Variants in CLASP1 observed in about 807,000 individuals in gnomAD.
CLASP1 encodes the protein cytoplasmic linker associated protein 1.
In CLASP1, 38 loss-of-function variants were observed where a neutral mutation model predicts 192.3. The ratio of observed to expected loss-of-function variants is 0.20; its 90% CI spans 0.15 to 0.26. CLASP1 has a LOEUF of 0.26. Ranked by LOEUF, CLASP1 falls within the 10% of genes least tolerant of loss-of-function variation. The pLI is 1.00. For synonymous variants in CLASP1, 691 were observed against 712.8 expected, an observed-to-expected ratio of 0.97 and a Z score of 0.49; for missense variants, 1,433 against 1,932.5, an observed-to-expected ratio of 0.74 and a Z score of 4.85.
chr2:121,500,715 T>C (rs567014531), intron 8 of CLASP1, among the ~76,000 whole-genome samples: 1 of 152,336 alleles, frequency 6.6e-6, no homozygotes, highest in East Asian at 1.9e-4. Context: ...TCTAAAATTT[T>C]ATACATATGG....
chr2:121,532,458 A>G (rs772814460), intron 2 of CLASP1: 2 of 152,230 alleles, frequency 1.3e-5, no homozygotes, highest in Admixed American at 6.5e-5. Context: ...GGAGGTCAAC[A>G]TCAAGTACAC....
chr2:121,375,469 T>C (rs1012121584), intron 34 of CLASP1, among the ~76,000 whole-genome samples: 3 of 149,920 alleles, frequency 2.0e-5, no homozygotes, highest in African/African-American at 7.4e-5. Flanking sequence ...GTTCAGGCAA[T>C]TCTCCTGCCT....
chr2:121,361,812 A>C (rs555730099), intron 37 of CLASP1, among the ~76,000 whole-genome samples: 1 of 152,212 alleles, frequency 6.6e-6, no homozygotes, highest in East Asian at 1.9e-4. Flanking sequence ...CTTTGTTCAA[A>C]TGTGAGTTAT....
At chr2:121,541,024 C>T (rs1391993813) in intron 2 of CLASP1, among the ~76,000 whole-genome samples, 2 of 152,178 alleles carry the variant, frequency 1.3e-5, no homozygotes, top group Non-Finnish European at 2.9e-5. Flanking sequence ...ATTCTATACA[C>T]ACTTCACAGT....
At chr2:121,602,185 AAAG>A (rs1308972284) in intron 2 of CLASP1, among the ~76,000 whole-genome samples, 23 of 151,920 alleles carry the variant, frequency 1.5e-4, no homozygotes, top group South Asian at 8.3e-4. Context: ...AAAAAAAAAA[AAAG>A]AAGAAGAAGA....
At chr2:121,363,842 C>T (rs770261574) in intron 36 of CLASP1, among the ~76,000 whole-genome samples, 7 of 152,086 alleles carry the variant, frequency 4.6e-5, no homozygotes, top group Non-Finnish European at 8.8e-5. Context: ...GCCAGAGTCA[C>T]GCATCTGGAG....
At chr2:121,569,813 CCTGGCAA>C (rs2059826839) in intron 2 of CLASP1, among the ~76,000 whole-genome samples, 1 of 152,120 alleles carries the variant, frequency 6.6e-6, no homozygotes, top group Non-Finnish European at 1.5e-5. Flanking sequence ...TGCACTCCAG[CCTGGCAA>C]AGAGGGAGAC....
chr2:121,373,253 G>A (rs1370933402), intron 34 of CLASP1, among the ~76,000 whole-genome samples: 1 of 152,166 alleles, frequency 6.6e-6, no homozygotes, highest in East Asian at 1.9e-4. Context: ...ACCATGTGAA[G>A]ACATACTTGC....
At chr2:121,524,983 C>G (rs993520409) in intron 6 of CLASP1, among the ~76,000 whole-genome samples, 22 of 152,068 alleles carry the variant, frequency 1.4e-4, no homozygotes, top group Non-Finnish European at 2.8e-4. Context: ...AGCTAGAGGC[C>G]AGGGGAGGTC....
chr2:121,373,512 A>G (rs1452256243), intron 34 of CLASP1, among the ~76,000 whole-genome samples: 2 of 152,206 alleles, frequency 1.3e-5, no homozygotes, highest in Non-Finnish European at 2.9e-5. Context: ...CAGAGGCTGG[A>G]ACAATTTGGA....
chr2:121,535,359 G>A (rs1389176786), intron 2 of CLASP1, among the ~76,000 whole-genome samples: 1 of 152,154 alleles, frequency 6.6e-6, no homozygotes, highest in African/African-American at 2.4e-5. Context: ...AAAGTTTTGG[G>A]TAGAGAAATG....
At chr2:121,578,891 C>T (rs2060837262) in intron 2 of CLASP1, among the ~76,000 whole-genome samples, 1 of 152,094 alleles carries the variant, frequency 6.6e-6, no homozygotes, top group South Asian at 2.1e-4. Flanking sequence ...AAAACTCATA[C>T]ACTTATACAC....
chr2:121,601,978 C>G (rs2063835235), intron 2 of CLASP1, among the ~76,000 whole-genome samples: 1 of 152,028 alleles, frequency 6.6e-6, no homozygotes, highest in South Asian at 2.1e-4. Flanking sequence ...AGTTCGAAAC[C>G]AGCCTGGCCA....
At chr2:121,536,378 GAAAAAAAAAAA>G (rs59632661) in intron 2 of CLASP1, among the ~76,000 whole-genome samples, 5,479 of 48,334 alleles carry the variant, frequency 0.11, 174 homozygotes, top group East Asian at 0.3. Context: ...AAGACTGTCT[GAAAAAAAAAAA>G]AAAAAAAAAA....
Position 121,379,865 on chromosome 2 carries a change from A to G in CLASP1, c.3492-2216T>C, listed in dbSNP as rs550203756. 7.0e-4 allele frequency among the ~76,000 whole-genome samples: 107 copies of G among 152,336 alleles called. 4 individuals are homozygous for G. The South Asian group carries it at 0.022, about 31-fold the overall frequency. On this transcript the variant is annotated intron_variant, in intron 33 of 39. Transcript: ENST00000263710. ...CACTATTACAATAGCCTCTTTTTAA[A>G]ATAAGAAAATAAAGGATTCTGCCAG...
At chr2:121,645,130 C>CATGGAT (rs898110869) in intron 1 of CLASP1, among the ~76,000 whole-genome samples, 1 of 152,160 alleles carries the variant, frequency 6.6e-6, no homozygotes, top group Admixed American at 6.5e-5. Flanking sequence ...GTGCAGGGGC[C>CATGGAT]ATGGATGTCT....
At chr2:121,528,848 T>C (rs2094656317) in intron 3 of CLASP1, 68 bp from the exon 4 acceptor site, 1 of 1,183,006 alleles carries the variant, frequency 8.5e-7, no homozygotes, top group Non-Finnish European at 1.3e-6. Flanking sequence ...CAAGTATTCC[T>C]ATCTCAATTA....
intron 6 of CLASP1, 77 bp downstream of exon 6, chr2:121,525,768 C>T: frequency 3.1e-6 from 3 of 952,914 alleles, no homozygotes; most frequent in South Asian, 1.4e-5. Flanking sequence ...TCCAGTCCCA[C>T]CCACTACGGA....
At chr2:121,462,066 C>T (rs1294269734) in intron 10 of CLASP1, among the ~76,000 whole-genome samples, 1 of 152,108 alleles carries the variant, frequency 6.6e-6, no homozygotes, top group African/African-American at 2.4e-5. Context: ...AGCAGTCAAA[C>T]TTGTGGCTGT....
Sources: gnomAD v4.1 joint callset for allele counts (sites outside exome capture counted in the v4.1 genomes callset) on GRCh38, gnomAD v4.1.1 for gene constraint, MANE v1.5 for transcripts, NCBI Gene and HGNC (gene_info 2026-07-23, HGNC 2026-07-21) for gene names.